ZNF730: variants seen among roughly 807,000 people sequenced by gnomAD.
The protein encoded by ZNF730 is putative zinc finger protein 730.
A neutral mutation model predicts 12.6 loss-of-function variants in ZNF730; 12 were observed. The observed-to-expected ratio is 0.95, with a 90% confidence interval of 0.61 to 1.54. ZNF730 has a LOEUF of 1.54. ZNF730 is among the 40% of genes most tolerant of loss of function. The probability of loss-of-function intolerance (pLI) is 0.00; values close to 1 mark genes in which losing one functional copy is unlikely to be tolerated. For missense variants in ZNF730, 643 were observed against 583.5 expected (o/e 1.10, Z -1.05); for synonymous variants, 194 against 195.8 (o/e 0.99, Z 0.08).
chr19:23,101,793 C>T (rs1319603694), intron 1 of ZNF730, among the ~76,000 whole-genome samples: 2 of 152,114 alleles, frequency 1.3e-5, no homozygotes, highest in Non-Finnish European at 2.9e-5. Flanking sequence ...TGGTCTCGAA[C>T]TCCTGACCTC....
chr19:23,099,835 G>T (rs1970308679), intron 1 of ZNF730, among the ~76,000 whole-genome samples: 1 of 152,040 alleles, frequency 6.6e-6, no homozygotes, highest in Non-Finnish European at 1.5e-5. Context: ...TCTCACCTGG[G>T]CCCAGTACCC....
upstream of ZNF730, among the ~76,000 whole-genome samples, chr19:23,114,305 C>CTTTT (rs869304180): frequency 1.1e-3 from 109 of 103,494 alleles, 12 homozygotes; most frequent in East Asian, 5.7e-3. Flanking sequence ...TTTTTCTTTT[C>CTTTT]TTTTTTTTTT....
In ZNF730 at chr19:23,089,150, C is replaced by T. The variant is rs143539840; in HGVS notation, c.-94+13763C>T. Among the ~76,000 whole-genome samples the T allele has an allele frequency of 1.9e-3, 287 of 152,088 alleles. 2 individuals are homozygous for T. Among genetic ancestry groups the T allele is most frequent in the African/African-American group, 6.5e-3 (269 of 41,504 alleles). On this transcript the variant is annotated intron_variant, in intron 1 of 2. Coordinates refer to the ZNF730 transcript ENST00000593635. ...ACCTCCCAAGTGTTGGGCTTACAGGCGTGAGCCACCGCGCCTGGCTGATTA... is the reference window on the plus strand; with the variant it reads ...ACCTCCCAAGTGTTGGGCTTACAGGTGTGAGCCACCGCGCCTGGCTGATTA...
At chr19:23,116,199 T>TA (rs1491209507), upstream of ZNF730, among the ~76,000 whole-genome samples, 1 of 151,400 alleles carries the variant, frequency 6.6e-6, no homozygotes, top group Non-Finnish European at 1.5e-5. Flanking sequence ...TCTGAAGACA[T>TA]AGAGTTTTCT....
intron 1 of ZNF730, among the ~76,000 whole-genome samples, chr19:23,082,958 G>A (rs1456015841): frequency 6.6e-6 from 1 of 152,056 alleles, no homozygotes; most frequent in Non-Finnish European, 1.5e-5. Flanking sequence ...CTCAGGCTTC[G>A]AAAGTGCTGG....
At chr19:23,107,221 C>T (rs149923215) in intron 1 of ZNF730, among the ~76,000 whole-genome samples, 1 of 151,466 alleles carries the variant, frequency 6.6e-6, no homozygotes, top group Non-Finnish European at 1.5e-5. Flanking sequence ...TACCAACTCA[C>T]CTGACTAATT....
intron 1 of ZNF730, chr19:23,123,999 A>G (rs1326946615): frequency 1.3e-5 from 2 of 151,978 alleles, no homozygotes; most frequent in Non-Finnish European, 2.9e-5. Context: ...TGAGGGTGAA[A>G]TACTGCTCCC....
At position 23,126,819 on chromosome 19, in the gene ZNF730, A is replaced by T. The variant is rs1255714636; in HGVS notation, c.4-7261A>T. The T allele has an allele frequency of 5.5e-6, 3 of 541,216 alleles. No individual in the cohort carries two copies. The East Asian group carries it at 1.5e-4, about 27-fold the overall frequency. The allele number at this position is 541,216 out of a possible 1,614,324, so 33.5% of individuals were successfully genotyped here. On this transcript the variant is annotated intron_variant, in intron 1 of 3. Transcript: ENST00000597761. ...TTTATTTTTTGCTCTTGCTTTATCC[A>T]GTGCTATATTAGCATTTTCATAATC...
intron 1 of ZNF730, among the ~76,000 whole-genome samples, chr19:23,086,291 G>A (rs1970063295): frequency 6.6e-6 from 1 of 151,990 alleles, no homozygotes; most frequent in Admixed American, 6.6e-5. Flanking sequence ...CTTTTGCTTT[G>A]CAGAAGCTCT....
intron 3 of ZNF730, among the ~76,000 whole-genome samples, chr19:23,141,171 G>T (rs772624932): frequency 2.6e-5 from 4 of 152,034 alleles, no homozygotes; most frequent in Admixed American, 6.5e-5. Flanking sequence ...GAGGTGGGTG[G>T]ATCATGAGGT....
At chr19:23,118,355 G>A (rs921685316) in intron 1 of ZNF730, among the ~76,000 whole-genome samples, 2 of 140,684 alleles carry the variant, frequency 1.4e-5, no homozygotes, top group Non-Finnish European at 3.0e-5. Flanking sequence ...TTGGGGTCAA[G>A]TTTGTTTTTT....
At chr19:23,098,878 T>C (rs2145521804) in intron 1 of ZNF730, among the ~76,000 whole-genome samples, 1 of 152,232 alleles carries the variant, frequency 6.6e-6, no homozygotes, top group Admixed American at 6.5e-5. Context: ...TACCAGCCAA[T>C]AGAAGAGATA....
Position 23,109,793 on chromosome 19 carries a change from C to T in ZNF730, c.-93-24287C>T, listed in dbSNP as rs142752965. On this transcript the variant is annotated intron_variant, in intron 1 of 2. Transcript: ENST00000593635. ...TGATATTTTGACCTTGTGATCCACC[C>T]GCCTTGGCCTCCCAAAGTGCTGAGA... is the stretch of plus-strand genomic sequence containing the variant. 8.0e-4 allele frequency among the ~76,000 whole-genome samples: 121 copies of T among 152,178 alleles called. No homozygotes were observed. In the East Asian group the frequency reaches 0.014, roughly 17 times the overall value.
Position 23,145,987 on chromosome 19 carries a change from G to A in ZNF730, c.943G>A (p.Glu315Lys), listed in dbSNP as rs187383116. 1.2e-4 allele frequency: 200 copies of A among 1,604,832 alleles called. No individual in the cohort carries two copies. The African/African-American group carries it at 1.6e-3, about 13-fold the overall frequency. The change falls in exon 4 of 4, where the codon GAA becomes AAA. Residue 315 changes from glutamate (E) to lysine (K), a missense_variant. Transcript: ENST00000597761. ...IHTKEQPYKC[E>K]KCGKAFKWSS... ...TACTAAAGAGCAACCATACAAATGC[G>A]AAAAATGTGGCAAAGCTTTTAAGTG...
At chr19:23,079,025 C>T (rs755926897) in intron 1 of ZNF730, among the ~76,000 whole-genome samples, 9 of 152,044 alleles carry the variant, frequency 5.9e-5, no homozygotes, top group South Asian at 2.1e-4. Context: ...AGGCTGATCT[C>T]GAACTCCTGA....
chr19:23,119,270 CT>C, intron 1 of ZNF730, among the ~76,000 whole-genome samples: 1 of 152,152 alleles, frequency 6.6e-6, no homozygotes, highest in East Asian at 1.9e-4. Flanking sequence ...TTATTGAAAA[CT>C]TTTTCTGTAT....
At chr19:23,129,993 CAAAA>C (rs34321928) in intron 1 of ZNF730, among the ~76,000 whole-genome samples, 5 of 88,014 alleles carry the variant, frequency 5.7e-5, no homozygotes, top group Admixed American at 1.4e-4. Flanking sequence ...GACTCCGCCT[CAAAA>C]AAAAAAAAAA....
At chr19:23,109,660 G>A (rs573726572) in intron 1 of ZNF730, among the ~76,000 whole-genome samples, 6 of 152,088 alleles carry the variant, frequency 3.9e-5, no homozygotes, top group East Asian at 3.9e-4. Context: ...TCCTGAGCCC[G>A]CCTCAGGCTC....
chr19:23,105,169 G>C, intron 1 of ZNF730, among the ~76,000 whole-genome samples: 1 of 149,620 alleles, frequency 6.7e-6, no homozygotes, highest in Non-Finnish European at 1.5e-5. Context: ...CCAGGCTGGA[G>C]TGCAGTGGCA....
Sources: allele counts gnomAD v4.1 joint callset (sites outside exome capture counted in the v4.1 genomes callset), GRCh38; gene constraint gnomAD v4.1.1; transcripts MANE v1.5; gene names NCBI Gene and HGNC (gene_info 2026-07-23, HGNC 2026-07-21).